MAP3K14: variants seen among roughly 807,000 people sequenced by gnomAD.
The protein encoded by MAP3K14 is mitogen-activated protein kinase kinase kinase 14.
In MAP3K14, 16 loss-of-function variants were observed where a neutral mutation model predicts 99.2. That is an observed-to-expected ratio of 0.16 (90% CI 0.11 to 0.24). MAP3K14 has a LOEUF of 0.24. Ranked by LOEUF, MAP3K14 falls within the 10% of genes least tolerant of loss-of-function variation. The probability of loss-of-function intolerance (pLI) is 1.00; values close to 1 mark genes in which losing one functional copy is unlikely to be tolerated. For synonymous variants in MAP3K14, 462 were observed against 492.4 expected (o/e 0.94, Z 0.82); for missense variants, 784 against 1,208.7 (o/e 0.65, Z 5.21).
Position 45,286,126 on chromosome 17 carries a change from G to A in MAP3K14, c.1152+305C>T, listed in dbSNP as rs953111030. The stretch of plus-strand genomic sequence containing the variant: ...TCCCATCCTCATCTTCCGTCTCTGG[G>A]GGCCATGATAACATCTCCAGTGGCT... On this transcript the variant is annotated intron_variant, in intron 5 of 15. Coordinates refer to ENST00000344686, the MANE Select transcript of MAP3K14 (RefSeq NM_003954.5). The surrounding 1 kb of genome is among the most constrained non-coding windows in gnomAD (Gnocchi z 4.1). Among the ~76,000 whole-genome samples the A allele has an allele frequency of 1.3e-5, 2 of 152,104 alleles. No individual in the cohort carries two copies. The highest frequency in any genetic ancestry group is 1.3e-4 in the Admixed American group (2 of 15,268).
intron 1 of MAP3K14, among the ~76,000 whole-genome samples, chr17:45,295,669 T>C (rs1373621504): frequency 6.6e-6 from 1 of 152,246 alleles, no homozygotes; most frequent in East Asian, 1.9e-4. Flanking sequence ...CCTAGACTGC[T>C]GCCTCCTAAG....
At chr17:45,280,876 G>T (rs1274749686) in intron 6 of MAP3K14, among the ~76,000 whole-genome samples, 2 of 152,150 alleles carry the variant, frequency 1.3e-5, no homozygotes, top group African/African-American at 4.8e-5. Flanking sequence ...CTTCCAAAGT[G>T]CTGGGATTAC....
At chr17:45,299,583 C>T (rs1372478928) in intron 1 of MAP3K14, among the ~76,000 whole-genome samples, 1 of 152,080 alleles carries the variant, frequency 6.6e-6, no homozygotes, top group Non-Finnish European at 1.5e-5. Flanking sequence ...GAGGAAGGGG[C>T]CTTACTGGGG....
At chr17:45,291,210 C>A (rs1248775809) in intron 1 of MAP3K14, among the ~76,000 whole-genome samples, 3 of 152,134 alleles carry the variant, frequency 2.0e-5, no homozygotes, top group East Asian at 3.9e-4. Context: ...TTGGAGAGGA[C>A]CTGTTGGCAC....
chr17:45,311,096 C>G (rs967016713), intron 1 of MAP3K14, among the ~76,000 whole-genome samples: 1 of 152,196 alleles, frequency 6.6e-6, no homozygotes, highest in Non-Finnish European at 1.5e-5. Flanking sequence ...ATAGTTCAGG[C>G]TCTGCCATTA....
At chr17:45,311,493 C>T (rs935093988) in intron 1 of MAP3K14, among the ~76,000 whole-genome samples, 2 of 152,186 alleles carry the variant, frequency 1.3e-5, no homozygotes, top group African/African-American at 2.4e-5. Context: ...AAAATCTCTG[C>T]GTTAATGGAC....
chr17:45,264,550 C>G lies in MAP3K14; in HGVS notation c.*86G>C. The G allele has an allele frequency of 7.0e-7, 1 of 1,420,444 alleles. No homozygotes were observed. Among genetic ancestry groups the G allele is most frequent in the Admixed American group, 2.6e-5 (1 of 38,856 alleles). 88.0% of individuals were successfully genotyped at this position (1,420,444 alleles called of 1,614,324 possible). A position where few individuals can be genotyped will look rare whatever the true frequency, so the allele number is the denominator to read the frequency against. On this transcript the variant is annotated 3_prime_UTR_variant, in exon 16 of 16. Transcript: ENST00000344686. ...CCGGGGGCTGGCAGATCCCTGGGAA[C>G]GGCTGAGCCTGTGTTTCAGGGCAGC... is the stretch of plus-strand genomic sequence containing the variant.
intron 1 of MAP3K14, among the ~76,000 whole-genome samples, chr17:45,298,615 G>A (rs375301971): frequency 6.6e-6 from 1 of 152,218 alleles, no homozygotes; most frequent in African/African-American, 2.4e-5. Context: ...CAAATCCAAT[G>A]ACTGGAGGCA....
chr17:45,286,699 G>C lies in MAP3K14; in HGVS notation c.884C>G (p.Pro295Arg), dbSNP rs1055681030. The C allele has an allele frequency of 3.1e-6, 5 of 1,609,958 alleles. No individual in the cohort carries two copies. The highest frequency in any genetic ancestry group is 4.2e-6 in the Non-Finnish European group (5 of 1,178,338). Residue 295 changes from proline (P) to arginine (R), a missense_variant, in exon 5 of 16, where the codon CCC (proline) becomes CGC (arginine). By Grantham distance (103) the Pro-to-Arg change is moderately radical. Around this residue, in one of 5 missense-constraint regions of MAP3K14, gnomAD observed 138 missense variants for 164.1 expected, o/e 0.84. Transcript: ENST00000344686. This position sits in a 1 kb window ranked among gnomAD's most constrained non-coding sequence, Gnocchi z 4.1. ...TTTGCTCAGGTGTGGGTCAGGCAAG[G>C]GTTTCTGGCTGTCTACACAGGCCAG... is the stretch of plus-strand genomic sequence containing the variant. Reference protein sequence around the residue: ...GKLACVDSQKPLPDPHLSKLA... With the variant: ...GKLACVDSQKRLPDPHLSKLA...
At chr17:45,308,344 A>G (rs1484310197) in intron 1 of MAP3K14, among the ~76,000 whole-genome samples, 1 of 152,186 alleles carries the variant, frequency 6.6e-6, no homozygotes, top group Non-Finnish European at 1.5e-5. Context: ...CCAGTTACCT[A>G]GAAGCACTGC....
At chr17:45,311,404 G>A (rs2044477827) in intron 1 of MAP3K14, among the ~76,000 whole-genome samples, 1 of 152,140 alleles carries the variant, frequency 6.6e-6, no homozygotes, top group Admixed American at 6.5e-5. Context: ...AGTTGGTCCT[G>A]GACATTGCTT....
At chr17:45,283,759 C>T (rs892473475) in intron 6 of MAP3K14, among the ~76,000 whole-genome samples, 1 of 152,196 alleles carries the variant, frequency 6.6e-6, no homozygotes, top group Non-Finnish European at 1.5e-5. Context: ...ATTGGAGTGT[C>T]TCTGACATAA....
chr17:45,290,827 A>T, intron 1 of MAP3K14, 62 bp from the exon 2 acceptor site: 1 of 1,533,282 alleles, frequency 6.5e-7, no homozygotes, highest in Non-Finnish European at 8.9e-7. Context: ...AACACAGGTC[A>T]GCCTTGGGTT....
chr17:45,300,806 G>A (rs531007760), intron 1 of MAP3K14, among the ~76,000 whole-genome samples: 10 of 152,020 alleles, frequency 6.6e-5, no homozygotes, highest in African/African-American at 2.2e-4. Context: ...CACTTTTTGT[G>A]TGCACAACTC....
At chr17:45,282,310 TC>T (rs1318958729) in intron 6 of MAP3K14, among the ~76,000 whole-genome samples, 11 of 151,864 alleles carry the variant, frequency 7.2e-5, no homozygotes, top group Admixed American at 2.0e-4. Flanking sequence ...GCACAGTGGC[TC>T]ACACCTGTAA....
chr17:45,265,034 G>A (rs1439898705), intron 15 of MAP3K14, 129 bp downstream of exon 15: 8 of 870,516 alleles, frequency 9.2e-6, no homozygotes, highest in Middle Eastern at 3.3e-4. Flanking sequence ...CCTGGGGGAC[G>A]TTGAAGGCCA....
At position 45,286,511 on chromosome 17, in the gene MAP3K14, T is replaced by C; in HGVS notation, c.1072A>G (p.Lys358Glu). 1 of 1,607,930 alleles carries C rather than the reference T, an allele frequency of 6.2e-7. No homozygotes were observed. The change falls in exon 5 of 16, where the codon AAG (lysine) becomes GAG (glutamate). Residue 358 changes from lysine to glutamate, a missense_variant. Around this residue, in one of 5 missense-constraint regions of MAP3K14, gnomAD observed 138 missense variants for 164.1 expected, o/e 0.84. Coordinates refer to ENST00000344686, the MANE Select transcript of MAP3K14 (RefSeq NM_003954.5). This position sits in a 1 kb window ranked among gnomAD's most constrained non-coding sequence, Gnocchi z 4.1. ...GQAHSLTSLA[K>E]TWAARGSRSR... The stretch of plus-strand genomic sequence containing the variant: ...CTGGAGCCCCTTGCTGCCCAGGTCT[T>C]GGCCAGGCTGGTCAGGCTGTGGGCC...
intron 1 of MAP3K14, among the ~76,000 whole-genome samples, chr17:45,303,941 G>T (rs945692414): frequency 6.7e-6 from 1 of 149,880 alleles, no homozygotes; most frequent in African/African-American, 2.5e-5. Context: ...CATACAAATT[G>T]TATCTTTCAC....
rs529606560 is a variant in MAP3K14 at position 45,273,622 on chromosome 17, C to T, written c.1553-15G>A. The stretch of plus-strand genomic sequence containing the variant: ...CACGTTGTCAGCTGCCAGGCCGCCC[C>T]GGGGAGGAAGAGGAACAGGTGAGTC... On this transcript the variant is annotated splice_polypyrimidine_tract_variant and intron_variant, in intron 8 of 15. Transcript: ENST00000344686. 3.8e-6 allele frequency: 6 copies of T among 1,599,978 alleles called. No individual in the cohort carries two copies. The highest frequency in any genetic ancestry group is 2.3e-5 in the East Asian group (1 of 44,426).
Sources: gnomAD v4.1 joint callset for allele counts (sites outside exome capture counted in the v4.1 genomes callset) on GRCh38, gnomAD v4.1.1 for gene constraint, gnomAD v4.1.1 regional missense constraint, Gnocchi (gnomAD v3.1) non-coding constraint, MANE v1.5 for transcripts, NCBI Gene and HGNC (gene_info 2026-07-23, HGNC 2026-07-21) for gene names.